PILRB: variants seen among roughly 807,000 people sequenced by gnomAD.
PILRB encodes paired immunoglobulin-like type 2 receptor beta.
In PILRB, 21 loss-of-function variants were observed where a neutral mutation model predicts 20.5. The observed-to-expected ratio is 1.02, with a 90% CI of 0.72 to 1.47. The LOEUF (loss-of-function observed/expected upper bound fraction) is 1.47. Among genes scored for constraint, PILRB ranks in the 40% most tolerant of loss-of-function variants. The probability of loss-of-function intolerance (pLI) is 0.00; values close to 1 mark genes in which losing one functional copy is unlikely to be tolerated. For synonymous variants in PILRB, 133 were observed against 115.1 expected (o/e 1.16, Z -0.99); for missense variants, 253 against 272.1 (o/e 0.93, Z 0.49).
Position 100,367,199 on chromosome 7 carries a change from T to G in PILRB, c.656-150T>G, listed in dbSNP as rs772596884. On this transcript the variant is annotated intron_variant, in intron 3 of 3. Coordinates refer to ENST00000609309, the MANE Select transcript of PILRB (RefSeq NM_178238.4). ...GGGGACGGGTTTGGAAATCAGGGAC[T>G]GTGCTGCTAAGAACCCCACAAGCCC... The G allele has an allele frequency of 5.6e-4, 499 of 893,118 alleles. 1 individual carries two copies. The highest frequency in any genetic ancestry group is 2.6e-3 in the Middle Eastern group (12 of 4,664). The allele number at this position is 893,118 out of a possible 1,614,324, so 55.3% of individuals were successfully genotyped here.
rs760582781 is a variant in PILRB, at chr7:100,359,024, A to C, written c.399A>C (p.Arg133Ser). 4.3e-6 allele frequency: 7 copies of C among 1,614,026 alleles called. No homozygotes were observed. The highest frequency in any genetic ancestry group is 1.3e-5 in the African/African-American group (1 of 74,898). ...GCCGAGTCGAGCTGGACACCCGGAG[A>C]TCAGGGAGGCAGCAGTTGCAGTCCA... is the stretch of plus-strand genomic sequence containing the variant. ...YFCRVELDTR[R>S]SGRQQLQSIK... Residue 133 changes from arginine to serine, a missense_variant, in exon 2 of 4, where the codon AGA (arginine) becomes AGC (serine). Transcript: ENST00000609309.
Position 100,362,709 on chromosome 7 carries a change from A to C in PILRB, c.655+3172A>C, listed in dbSNP as rs571890580. Among the ~76,000 whole-genome samples the C allele has an allele frequency of 5.3e-5, 8 of 152,130 alleles. No individual in the cohort carries two copies. The East Asian group carries it at 1.5e-3, about 29-fold the overall frequency. ...TTTTTGGAAGAAACGTGGTTTTACT[A>C]TATTGGCCAGGCTGGTCTCGAACTC... On this transcript the variant is annotated intron_variant, in intron 3 of 3. Transcript: ENST00000609309.
At chr7:100,361,102 A>G (rs1790512369) in intron 3 of PILRB, among the ~76,000 whole-genome samples, 1 of 151,844 alleles carries the variant, frequency 6.6e-6, no homozygotes. Context: ...CACCTGGCTA[A>G]TTTTTTGTAG....
At chr7:100,364,620 T>G (rs1462192083) in intron 3 of PILRB, among the ~76,000 whole-genome samples, 1 of 152,198 alleles carries the variant, frequency 6.6e-6, no homozygotes, top group East Asian at 1.9e-4. Flanking sequence ...CCATGGCAGA[T>G]TAGCTTCCAA....
intron 3 of PILRB, among the ~76,000 whole-genome samples, chr7:100,365,517 CAT>C (rs569859929): frequency 7.2e-5 from 11 of 152,208 alleles, no homozygotes; most frequent in African/African-American, 2.4e-4. Flanking sequence ...ATTTAAAGAA[CAT>C]AGAATTTCAG....
intron 3 of PILRB, among the ~76,000 whole-genome samples, chr7:100,363,198 A>G (rs1584200227): frequency 6.6e-6 from 1 of 151,934 alleles, no homozygotes; most frequent in African/African-American, 2.4e-5. Context: ...TAGGCAAGGG[A>G]TAAAAAGGCA....
chr7:100,359,553 G>A lies in PILRB; in HGVS notation c.655+16G>A, dbSNP rs546487819. 149 of 1,606,704 alleles carry A rather than the reference G, an allele frequency of 9.3e-5. No homozygotes were observed. The highest frequency in any genetic ancestry group is 1.2e-4 in the Non-Finnish European group (142 of 1,173,566). On this transcript the variant is annotated intron_variant, in intron 3 of 3. Coordinates refer to ENST00000609309, the MANE Select transcript of PILRB (RefSeq NM_178238.4). ...AGAAGGAAAGGTAAGTGCCCAGAAC[G>A]CACTGTCTCCTCAAGCTTCCCAGCT...
At chr7:100,360,990 C>T (rs1563109359) in intron 3 of PILRB, among the ~76,000 whole-genome samples, 1 of 152,132 alleles carries the variant, frequency 6.6e-6, no homozygotes, top group Non-Finnish European at 1.5e-5. Context: ...GGCTGGAGTG[C>T]AGTGGCACAA....
In PILRB at chr7:100,358,850, C is replaced by T; in HGVS notation, c.225C>T (p.His75=). 2.5e-6 allele frequency: 4 copies of T among 1,614,188 alleles called. No individual in the cohort carries two copies. The highest frequency in any genetic ancestry group is 1.3e-5 in the African/African-American group (1 of 75,018). Residue 75 remains histidine, a synonymous_variant, in exon 2 of 4, where the codon CAC becomes CAT. Coordinates refer to ENST00000609309, the MANE Select transcript of PILRB (RefSeq NM_178238.4). ...PNVRISWRRG[H]FHGQSFYSTR... is the part of the protein sequence containing the mutation. ...TGAGAATATCCTGGAGACGGGGCCA[C>T]TTCCACGGGCAGTCCTTCTACAGCA... is the stretch of plus-strand genomic sequence containing the variant.
At position 100,358,867 on chromosome 7, in the gene PILRB, T is replaced by C; in HGVS notation, c.242T>C (p.Phe81Ser). 3 of 1,614,078 alleles carry C rather than the reference T, an allele frequency of 1.9e-6. No homozygotes were observed. Among genetic ancestry groups the C allele is most frequent in the Admixed American group, 1.7e-5 (1 of 59,958 alleles). Residue 81 changes from phenylalanine (F) to serine (S), a missense_variant, in exon 2 of 4, where the codon TTC becomes TCC. Coordinates refer to ENST00000609309, the MANE Select transcript of PILRB (RefSeq NM_178238.4). ...WRRGHFHGQS[F>S]YSTRPPSIHK... Reference sequence around the variant, plus strand: ...CGGGGCCACTTCCACGGGCAGTCCTTCTACAGCACAAGGCCGCCTTCCATT... The same window carrying C: ...CGGGGCCACTTCCACGGGCAGTCCTCCTACAGCACAAGGCCGCCTTCCATT...
Position 100,367,830 on chromosome 7 carries a change from C to T in PILRB, c.*453C>T, listed in dbSNP as rs1251022761. The T allele has an allele frequency of 6.1e-6, 1 of 164,120 alleles. No individual in the cohort carries two copies. The allele number at this position is 164,120 out of a possible 1,614,324, so 10.2% of individuals were successfully genotyped here. On this transcript the variant is annotated 3_prime_UTR_variant, in exon 4 of 4. Coordinates refer to ENST00000609309, the MANE Select transcript of PILRB (RefSeq NM_178238.4). ...AATAAATAGCGTGAAATGCTGCTGA[C>T]ACTTCCCTGTGCATCTCCCACATGG...
At chr7:100,360,750 TTAAG>T (rs1164446816) in intron 3 of PILRB, among the ~76,000 whole-genome samples, 3 of 151,752 alleles carry the variant, frequency 2.0e-5, no homozygotes, top group Non-Finnish European at 2.9e-5. Context: ...CTAGAAAAGA[TTAAG>T]TAATAAAAAC....
chr7:100,365,172 G>A (rs1018516682), intron 3 of PILRB, among the ~76,000 whole-genome samples: 2 of 152,074 alleles, frequency 1.3e-5, no homozygotes, highest in Admixed American at 6.6e-5. Flanking sequence ...GCTACTTCTT[G>A]CATTTTTAGT....
In PILRB at chr7:100,358,784, C is replaced by A. The variant is rs746326299; in HGVS notation, c.159C>A (p.Phe53Leu). The A allele has an allele frequency of 6.2e-7, 1 of 1,613,580 alleles. No homozygotes were observed. Among genetic ancestry groups the A allele is most frequent in the South Asian group, 1.1e-5 (1 of 91,076 alleles). ...TGGGTGGCTCTGTGGAAATCCCCTT[C>A]TCCTTCTATTACCCCTGGGAGTTAG... ...ASMGGSVEIPFSFYYPWELAI... is the reference protein window; with the variant it reads ...ASMGGSVEIPLSFYYPWELAI... Residue 53 changes from phenylalanine (F) to leucine (L), a missense_variant, in exon 2 of 4, where the codon TTC (phenylalanine) becomes TTA (leucine). Physicochemically the swap from Phe to Leu is conservative, Grantham distance 22. Transcript: ENST00000609309.
chr7:100,358,193 C>T lies in PILRB; in HGVS notation c.-110C>T, dbSNP rs1201541201. 2 of 1,323,686 alleles carry T rather than the reference C, an allele frequency of 1.5e-6. No individual in the cohort carries two copies. The highest frequency in any genetic ancestry group is 2.3e-5 in the East Asian group (1 of 43,544). 82.0% of individuals were successfully genotyped at this position (1,323,686 alleles called of 1,614,324 possible). ...GCCCCCACAGCCCTCTGGGGAGCCT[C>T]ACCCTGGCTCTCCCCACTCACCTCA... On this transcript the variant is annotated 5_prime_UTR_variant, in exon 1 of 4. Transcript: ENST00000609309.
rs1163043352 is a variant in PILRB at position 100,358,396 on chromosome 7, C to T, written c.64+30C>T. 3.1e-6 allele frequency: 5 copies of T among 1,609,134 alleles called. No individual in the cohort carries two copies. The South Asian group carries it at 3.3e-5, about 11-fold the overall frequency. On this transcript the variant is annotated intron_variant, in intron 1 of 3. Coordinates refer to ENST00000609309, the MANE Select transcript of PILRB (RefSeq NM_178238.4). ...GTACCCAGGACCGCCCAGGTATGGT[C>T]TCTGCCCAAACCACAGGAGGGGCCA...
At position 100,358,212 on chromosome 7, in the gene PILRB, C is replaced by T; in HGVS notation, c.-91C>T. ...GAGCCTCACCCTGGCTCTCCCCACT[C>T]ACCTCAGCCCTCAGGCAGCCCCTCC... On this transcript the variant is annotated 5_prime_UTR_variant, in exon 1 of 4. Transcript: ENST00000609309. 6.7e-7 allele frequency: 1 copy of T among 1,500,354 alleles called. No individual in the cohort carries two copies. Among genetic ancestry groups the T allele is most frequent in the Non-Finnish European group, 9.2e-7 (1 of 1,086,918 alleles). The allele number at this position is 1,500,354 out of a possible 1,614,324, so 92.9% of individuals were successfully genotyped here.
At chr7:100,362,474 C>G (rs1790556224) in intron 3 of PILRB, among the ~76,000 whole-genome samples, 1 of 151,894 alleles carries the variant, frequency 6.6e-6, no homozygotes. Flanking sequence ...ATCATCTCAA[C>G]TGATACAGAA....
intron 3 of PILRB, among the ~76,000 whole-genome samples, chr7:100,365,155 A>C (rs1323194905): frequency 2.0e-5 from 3 of 152,070 alleles, no homozygotes; most frequent in African/African-American, 4.8e-5. Context: ...GTGTGCCACC[A>C]CACCCAGCTA....
Sources: gnomAD v4.1 joint callset for allele counts (sites outside exome capture counted in the v4.1 genomes callset) on GRCh38, gnomAD v4.1.1 for gene constraint, MANE v1.5 for transcripts, NCBI Gene and HGNC (gene_info 2026-07-23, HGNC 2026-07-21) for gene names.